Variants in ADAM2 observed in about 807,000 individuals in gnomAD.
ADAM2 encodes the protein ADAM metallopeptidase domain 2.
Under a neutral mutation model 99.3 loss-of-function variants are expected in ADAM2, and 101 were observed. That is an observed-to-expected ratio of 1.02 (90% confidence interval 0.87 to 1.20). The LOEUF (loss-of-function observed/expected upper bound fraction) is 1.20. ADAM2 is among the 50% of genes most tolerant of loss of function. ADAM2 has a pLI of 0.00. For synonymous variants in ADAM2, 323 were observed against 287.6 expected (o/e 1.12, Z -1.25); for missense variants, 948 against 878.7 (o/e 1.08, Z -1.00).
At chr8:39,751,214 A>G (rs1467409666) in intron 16 of ADAM2, among the ~76,000 whole-genome samples, 1 of 152,210 alleles carries the variant, frequency 6.6e-6, no homozygotes, top group Non-Finnish European at 1.5e-5. Flanking sequence ...AAAAAGTACT[A>G]GCTCTGGATA....
At chr8:39,795,240 T>C (rs1487808479) in intron 7 of ADAM2, among the ~76,000 whole-genome samples, 2 of 152,032 alleles carry the variant, frequency 1.3e-5, no homozygotes, top group Non-Finnish European at 2.9e-5. Flanking sequence ...GAATGACCCC[T>C]CCTCTTGGCT....
chr8:39,748,650 G>T (rs772472065), intron 18 of ADAM2, among the ~76,000 whole-genome samples: 1 of 152,076 alleles, frequency 6.6e-6, no homozygotes, highest in Non-Finnish European at 1.5e-5. Context: ...CTTTTCCTCT[G>T]CTTTGATCAA....
chr8:39,755,200 A>G (rs142918614), intron 16 of ADAM2, among the ~76,000 whole-genome samples: 2 of 152,344 alleles, frequency 1.3e-5, no homozygotes, highest in Non-Finnish European at 2.9e-5. Flanking sequence ...GCAGTTCTCA[A>G]TTCAGTGAAT....
rs553409907 is a variant in ADAM2 at position 39,758,576 on chromosome 8, A to T, written c.1613+2600T>A. Among the ~76,000 whole-genome samples, 237 of 149,644 alleles carry T rather than the reference A, an allele frequency of 1.6e-3. 3 individuals are homozygous for T. Among genetic ancestry groups the T allele is most frequent in the Admixed American group, 0.01 (155 of 15,032 alleles). On this transcript the variant is annotated intron_variant, in intron 15 of 20. Transcript: ENST00000265708. ...AAGTCAGTAAAAATAAAAAAAATTT[A>T]AAAAAAAAAGAAATAGTAGACATGC...
chr8:39,794,701 C>G (rs182342335), intron 7 of ADAM2, among the ~76,000 whole-genome samples: 505 of 152,156 alleles, frequency 3.3e-3, no homozygotes, highest in Non-Finnish European at 4.7e-3. Context: ...TCACATACCC[C>G]CTGCTTGCTC....
At chr8:39,761,415 A>G in intron 14 of ADAM2, 134 bp from the exon 15 acceptor site, 1 of 482,886 alleles carries the variant, frequency 2.1e-6, no homozygotes, top group Non-Finnish European at 3.5e-6. Flanking sequence ...CATTCAAAAT[A>G]AAAACTAGAT....
rs748405692 is a variant in ADAM2 at position 39,761,237 on chromosome 8, T to A, written c.1552A>T (p.Lys518Ter). ...CCACAGTTTCCAGATACATCAGTCT[T>A]TGAATTAAGGTGAGAATAACATTCT... ...PSECYSHLNS[K>*]TDVSGNCGIS... Residue 518 changes from lysine to a stop codon, truncating the protein, a stop_gained, in exon 15 of 21, where the codon AAG (lysine) becomes TAG (stop). Transcript: ENST00000265708. LOFTEE classifies it high-confidence loss of function. 1 of 1,605,562 alleles carries A rather than the reference T, an allele frequency of 6.2e-7. No homozygotes were observed. The highest frequency in any genetic ancestry group is 8.5e-7 in the Non-Finnish European group (1 of 1,175,208).
intron 6 of ADAM2, among the ~76,000 whole-genome samples, chr8:39,811,668 G>C (rs1804700855): frequency 6.6e-6 from 1 of 152,078 alleles, no homozygotes; most frequent in Non-Finnish European, 1.5e-5. Flanking sequence ...CAGAACCAAA[G>C]ACAAAAACCA....
At chr8:39,802,642 G>A (rs1238439811) in intron 7 of ADAM2, among the ~76,000 whole-genome samples, 2 of 152,128 alleles carry the variant, frequency 1.3e-5, no homozygotes, top group Non-Finnish European at 2.9e-5. Context: ...ACAAACTGGA[G>A]CTGGACAACT....
chr8:39,827,698 G>A (rs982328630), intron 3 of ADAM2, among the ~76,000 whole-genome samples: 1 of 152,134 alleles, frequency 6.6e-6, no homozygotes, highest in Non-Finnish European at 1.5e-5. Flanking sequence ...CATAGAAGCA[G>A]AGAGTAGAAT....
chr8:39,792,320 AAG>A (rs1414876618), intron 7 of ADAM2, among the ~76,000 whole-genome samples: 2 of 152,094 alleles, frequency 1.3e-5, no homozygotes, highest in African/African-American at 4.8e-5. Context: ...TCATCCATCT[AAG>A]AGGTGCACAT....
intron 3 of ADAM2, among the ~76,000 whole-genome samples, chr8:39,830,540 A>G (rs541355546): frequency 1.3e-5 from 2 of 152,290 alleles, no homozygotes; most frequent in Non-Finnish European, 2.9e-5. Flanking sequence ...GATCAAAGCA[A>G]TAGAAACAAA....
chr8:39,764,296 G>C (rs1469515767), intron 14 of ADAM2, among the ~76,000 whole-genome samples: 1 of 152,144 alleles, frequency 6.6e-6, no homozygotes, highest in Admixed American at 6.5e-5. Context: ...TGTAGTCCCT[G>C]CTACTTGGGA....
intron 7 of ADAM2, among the ~76,000 whole-genome samples, chr8:39,804,426 G>A (rs1484120456): frequency 6.6e-6 from 1 of 152,080 alleles, no homozygotes; most frequent in East Asian, 1.9e-4. Flanking sequence ...AGAATTAATG[G>A]ATAAATGTCT....
intron 3 of ADAM2, among the ~76,000 whole-genome samples, chr8:39,826,190 T>C (rs1805391174): frequency 6.6e-6 from 1 of 152,222 alleles, no homozygotes; most frequent in Admixed American, 6.5e-5. Context: ...CTTCAAACTA[T>C]ACTGTATAGC....
intron 16 of ADAM2, among the ~76,000 whole-genome samples, chr8:39,755,352 A>G (rs1802105999): frequency 1.3e-5 from 2 of 152,140 alleles, no homozygotes; most frequent in Admixed American, 1.3e-4. Context: ...TTAAATTCTG[A>G]GAAAAAATAC....
intron 10 of ADAM2, among the ~76,000 whole-genome samples, chr8:39,781,809 T>C (rs866502765): frequency 3.9e-5 from 6 of 152,162 alleles, no homozygotes; most frequent in Non-Finnish European, 7.4e-5. Flanking sequence ...TACACTACCA[T>C]TTTTGATGTT....
intron 6 of ADAM2, among the ~76,000 whole-genome samples, chr8:39,813,268 C>T (rs1256122655): frequency 6.6e-6 from 1 of 152,250 alleles, no homozygotes; most frequent in East Asian, 1.9e-4. Context: ...AATCAGGAAA[C>T]AACAGGTGCT....
chr8:39,830,595 A>G (rs1324677548), intron 3 of ADAM2, among the ~76,000 whole-genome samples: 2 of 152,194 alleles, frequency 1.3e-5, no homozygotes, highest in African/African-American at 2.4e-5. Flanking sequence ...AGCTGTGGAA[A>G]GTAAGATGGA....
Sources: allele counts gnomAD v4.1 joint callset (sites outside exome capture counted in the v4.1 genomes callset), GRCh38; gene constraint gnomAD v4.1.1; transcripts MANE v1.5; gene names NCBI Gene and HGNC (gene_info 2026-07-23, HGNC 2026-07-21).